The following GAS7 variants were observed in gnomAD, a reference collection of about 807,000 sequenced individuals.
The protein encoded by GAS7 is growth arrest specific 7, also known as growth arrest-specific protein 7.
In GAS7, 28 loss-of-function variants were observed where a neutral mutation model predicts 71.1. The ratio of observed to expected loss-of-function variants is 0.39; its 90% CI spans 0.29 to 0.54. The LOEUF (loss-of-function observed/expected upper bound fraction) is 0.54, where lower values mean the gene tolerates loss of function less well. Among genes scored for constraint, GAS7 ranks in the 20% least tolerant of loss-of-function variants. The pLI is 0.62. For synonymous variants in GAS7, 258 were observed against 245.8 expected (o/e 1.05, Z -0.46); for missense variants, 436 against 627.8 (o/e 0.69, Z 3.27).
intron 1 of GAS7, among the ~76,000 whole-genome samples, chr17:10,043,811 G>A (rs530718434): frequency 6.6e-6 from 1 of 152,284 alleles, no homozygotes; most frequent in East Asian, 1.9e-4. Flanking sequence ...GTGCATGCCT[G>A]TAGACCCAGC....
chr17:10,101,333 C>T (rs138624479), intron 1 of GAS7, among the ~76,000 whole-genome samples: 118 of 152,336 alleles, frequency 7.7e-4, no homozygotes, highest in Admixed American at 2.5e-3. Context: ...CCACATGCGT[C>T]TCTCCCTAGG....
In GAS7 at chr17:9,974,094, A is replaced by G. The variant is rs2070084288; in HGVS notation, c.386-4332T>C. Among the ~76,000 whole-genome samples, 1 of 152,086 alleles carries G rather than the reference A, an allele frequency of 6.6e-6. No homozygotes were observed. The highest frequency in any genetic ancestry group is 1.5e-5 in the Non-Finnish European group (1 of 68,018). On this transcript the variant is annotated intron_variant, in intron 3 of 13. Coordinates refer to ENST00000432992, the MANE Select transcript of GAS7 (RefSeq NM_201433.2). This position sits in a 1 kb window ranked among gnomAD's most constrained non-coding sequence, Gnocchi z 4.0. ...CTAAAGAGGAGACATTTTGCCCCTA[A>G]TCCAATCCCTTGTTCCCACTTCAGT...
At chr17:10,039,417 C>T (rs2072819306) in intron 1 of GAS7, among the ~76,000 whole-genome samples, 1 of 152,016 alleles carries the variant, frequency 6.6e-6, no homozygotes, top group South Asian at 2.1e-4. Context: ...GACGGTGGCT[C>T]ACGTCTGTAA....
chr17:10,023,772 T>C (rs2072361247), intron 1 of GAS7, among the ~76,000 whole-genome samples: 1 of 152,204 alleles, frequency 6.6e-6, no homozygotes, highest in East Asian at 1.9e-4. Flanking sequence ...ATATCATGAA[T>C]ACATAAATAT....
chr17:10,116,215 G>A (rs2073860041), intron 1 of GAS7, among the ~76,000 whole-genome samples: 1 of 152,098 alleles, frequency 6.6e-6, no homozygotes, highest in South Asian at 2.1e-4. Flanking sequence ...GGAGGCTGAG[G>A]CAGGAGAAGA....
At chr17:10,155,958 G>A (rs1182301592) in intron 1 of GAS7, among the ~76,000 whole-genome samples, 1 of 152,146 alleles carries the variant, frequency 6.6e-6, no homozygotes, top group Admixed American at 6.5e-5. Context: ...AGGCATGGAT[G>A]AGCAACCCTC....
intron 5 of GAS7, among the ~76,000 whole-genome samples, chr17:9,951,452 C>T (rs1455536598): frequency 1.3e-5 from 2 of 152,138 alleles, no homozygotes; most frequent in Admixed American, 6.6e-5. Context: ...GGAAACACTT[C>T]CCTACAAAGA....
intron 8 of GAS7, among the ~76,000 whole-genome samples, chr17:9,938,512 C>T (rs2068482903): frequency 6.9e-6 from 1 of 145,562 alleles, no homozygotes; most frequent in Non-Finnish European, 1.5e-5. Flanking sequence ...ACAGAGCTCC[C>T]TCTCTCTCTC....
rs1024479817 is a variant in GAS7, at chr17:10,020,282, C to T, written c.184-385G>A. On this transcript the variant is annotated intron_variant, in intron 1 of 13. Transcript: ENST00000432992. ...TCTGAAGCCTGAAATTCCCAGACCA[C>T]GAAGCACAGCAGCAGACAAGGCCCC... 1.1e-4 allele frequency: 22 copies of T among 206,528 alleles called. No individual in the cohort carries two copies. The Admixed American group carries it at 1.1e-3, about 11-fold the overall frequency. 12.8% of individuals were successfully genotyped at this position (206,528 alleles called of 1,614,324 possible).
intron 1 of GAS7, among the ~76,000 whole-genome samples, chr17:10,112,238 G>A (rs969942824): frequency 2.6e-5 from 4 of 152,184 alleles, no homozygotes; most frequent in Admixed American, 6.5e-5. Flanking sequence ...GCACGTGACC[G>A]AAGACACACA....
chr17:10,020,613 A>T (rs574936609), intron 1 of GAS7, among the ~76,000 whole-genome samples: 158 of 149,670 alleles, frequency 1.1e-3, no homozygotes, highest in Middle Eastern at 7.0e-3. Flanking sequence ...GACAGATGCT[A>T]AAAAAAAAAC....
chr17:10,075,561 G>A (rs1489630832), intron 1 of GAS7, among the ~76,000 whole-genome samples: 2 of 151,992 alleles, frequency 1.3e-5, no homozygotes, highest in Admixed American at 6.6e-5. Context: ...TTGGAAGGCC[G>A]AGGTGGGAGG....
At chr17:10,134,490 G>T (rs2142090441) in intron 1 of GAS7, among the ~76,000 whole-genome samples, 1 of 152,164 alleles carries the variant, frequency 6.6e-6, no homozygotes, top group Middle Eastern at 3.4e-3. Context: ...TTAATTTTTT[G>T]TGGAACCTCC....
Position 9,944,777 on chromosome 17 carries a change from G to A in GAS7, c.616-1541C>T, listed in dbSNP as rs142227168. On this transcript the variant is annotated intron_variant, in intron 6 of 13. Coordinates refer to ENST00000432992, the MANE Select transcript of GAS7 (RefSeq NM_201433.2). The stretch of plus-strand genomic sequence containing the variant: ...TGAAGATCTCTGTGCTTCACTCTAC[G>A]AATGCTACATCTTGATGAAAAAGCA... Among the ~76,000 whole-genome samples, 754 of 152,314 alleles carry A rather than the reference G, an allele frequency of 5.0e-3. 7 individuals are homozygous for A. Among genetic ancestry groups the A allele is most frequent in the African/African-American group, 0.017 (719 of 41,570 alleles).
chr17:10,031,678 C>G (rs1449986942), intron 1 of GAS7, among the ~76,000 whole-genome samples: 1 of 152,142 alleles, frequency 6.6e-6, no homozygotes, highest in Non-Finnish European at 1.5e-5. Flanking sequence ...GAATGTAAGA[C>G]AGAAGGGCCA....
intron 1 of GAS7, among the ~76,000 whole-genome samples, chr17:10,182,562 C>T (rs534571862): frequency 6.6e-6 from 1 of 152,294 alleles, no homozygotes; most frequent in South Asian, 2.1e-4. Flanking sequence ...CAGGCTCAGC[C>T]CCAATTTTGG....
At chr17:10,004,890 A>G (rs574757745) in intron 2 of GAS7, among the ~76,000 whole-genome samples, 5 of 152,162 alleles carry the variant, frequency 3.3e-5, no homozygotes, top group South Asian at 4.1e-4. Context: ...CATGCCTGTA[A>G]TCCCAACTAC....
chr17:10,097,690 G>A (rs1035001234), intron 1 of GAS7, among the ~76,000 whole-genome samples: 5 of 152,112 alleles, frequency 3.3e-5, no homozygotes, highest in African/African-American at 9.7e-5. Flanking sequence ...TGGCAGGCAC[G>A]ACAGGTACAC....
intron 1 of GAS7, among the ~76,000 whole-genome samples, chr17:10,190,285 G>A (rs866560421): frequency 6.6e-6 from 1 of 152,112 alleles, no homozygotes; most frequent in African/African-American, 2.4e-5. Flanking sequence ...GAAGGAGAAG[G>A]CTTTAAGAAA....
Sources: allele counts gnomAD v4.1 joint callset (sites outside exome capture counted in the v4.1 genomes callset), GRCh38; gene constraint gnomAD v4.1.1; non-coding constraint Gnocchi (gnomAD v3.1); transcripts MANE v1.5; gene names NCBI Gene and HGNC (gene_info 2026-07-23, HGNC 2026-07-21).